ROR1: variants seen among roughly 807,000 people sequenced by gnomAD.
ROR1 encodes ROR family WNT receptor 1, also known as inactive tyrosine-protein kinase transmembrane receptor ROR1.
A neutral mutation model predicts 78.8 loss-of-function variants in ROR1; 19 were observed. That is an observed-to-expected ratio of 0.24 (90% CI 0.17 to 0.35). ROR1 has a LOEUF of 0.35. ROR1 is among the 10% of genes least tolerant of loss of function. The pLI, the probability that ROR1 is intolerant of heterozygous loss-of-function variation, is 1.00. For missense variants in ROR1, 917 were observed against 1,177.8 expected (o/e 0.78, Z 3.24); for synonymous variants, 386 against 433.6 (o/e 0.89, Z 1.36).
chr1:64,079,026 C>T (rs961876536), intron 4 of ROR1, among the ~76,000 whole-genome samples: 2 of 152,024 alleles, frequency 1.3e-5, no homozygotes, highest in African/African-American at 4.8e-5. Context: ...TGCTGAGAAT[C>T]GTTGATTAGA....
chr1:63,929,613 AG>A (rs1645734804), intron 1 of ROR1, among the ~76,000 whole-genome samples: 1 of 152,228 alleles, frequency 6.6e-6, no homozygotes, highest in Admixed American at 6.5e-5. Flanking sequence ...TTGGGGATGC[AG>A]TGTATGCTTA....
intron 1 of ROR1, among the ~76,000 whole-genome samples, chr1:63,827,822 A>G (rs1644965014): frequency 1.3e-5 from 2 of 152,142 alleles, no homozygotes; most frequent in African/African-American, 4.8e-5. Context: ...TTTCCAGCCA[A>G]GTTCCAGGTT....
At chr1:63,993,981 G>A (rs542783970) in intron 1 of ROR1, among the ~76,000 whole-genome samples, 20 of 152,194 alleles carry the variant, frequency 1.3e-4, no homozygotes, top group African/African-American at 4.3e-4. Flanking sequence ...TTGATATAAG[G>A]GTTCCTGATT....
intron 1 of ROR1, among the ~76,000 whole-genome samples, chr1:63,977,399 G>T (rs746864317): frequency 6.6e-6 from 1 of 152,084 alleles, no homozygotes; most frequent in African/African-American, 2.4e-5. Flanking sequence ...TCATGTTGGC[G>T]CTCCAAAAGT....
intron 1 of ROR1, among the ~76,000 whole-genome samples, chr1:63,950,068 G>C (rs1341338103): frequency 1.3e-5 from 2 of 152,072 alleles, no homozygotes; most frequent in Non-Finnish European, 2.9e-5. Flanking sequence ...TTAAACACAG[G>C]GAATGTCCTG....
intron 1 of ROR1, among the ~76,000 whole-genome samples, chr1:63,967,348 C>T (rs1260301087): frequency 6.6e-6 from 1 of 152,124 alleles, no homozygotes; most frequent in Non-Finnish European, 1.5e-5. Flanking sequence ...AAGATACTAT[C>T]CTATAACATA....
At chr1:63,843,912 T>G (rs1359673886) in intron 1 of ROR1, among the ~76,000 whole-genome samples, 3 of 152,156 alleles carry the variant, frequency 2.0e-5, no homozygotes, top group African/African-American at 7.2e-5. Context: ...TCCTGAGACA[T>G]AAATCTGACT....
chr1:64,061,662 G>A (rs1244305947), intron 4 of ROR1, among the ~76,000 whole-genome samples: 2 of 152,190 alleles, frequency 1.3e-5, no homozygotes, highest in Admixed American at 6.5e-5. Context: ...TAGAGAAGAG[G>A]TGCCTGGCCA....
chr1:63,851,382 C>A (rs769622124), intron 1 of ROR1, among the ~76,000 whole-genome samples: 2 of 152,148 alleles, frequency 1.3e-5, no homozygotes, highest in Non-Finnish European at 2.9e-5. Flanking sequence ...TTCTAAGTGG[C>A]GTTGACCCTT....
At chr1:63,875,501 G>A (rs1645279537) in intron 1 of ROR1, among the ~76,000 whole-genome samples, 1 of 152,130 alleles carries the variant, frequency 6.6e-6, no homozygotes, top group African/African-American at 2.4e-5. Flanking sequence ...CCCTAATTAA[G>A]AACCTTGAGG....
chr1:64,001,338 G>T (rs888445985), intron 1 of ROR1, among the ~76,000 whole-genome samples: 1 of 152,224 alleles, frequency 6.6e-6, no homozygotes, highest in East Asian at 1.9e-4. Flanking sequence ...GGTCAGGAAT[G>T]GTTGGGAGGA....
intron 1 of ROR1, among the ~76,000 whole-genome samples, chr1:63,869,118 G>A (rs1645235332): frequency 6.6e-6 from 1 of 152,152 alleles, no homozygotes; most frequent in Non-Finnish European, 1.5e-5. Flanking sequence ...TTCCTTGTTA[G>A]GATCAAATGT....
At chr1:64,082,027 C>G (rs1194406279) in intron 4 of ROR1, among the ~76,000 whole-genome samples, 1 of 152,066 alleles carries the variant, frequency 6.6e-6, no homozygotes, top group Non-Finnish European at 1.5e-5. Flanking sequence ...TTGAGAAACA[C>G]TGATTTACAG....
chr1:63,872,618 C>G (rs1379606119), intron 1 of ROR1, among the ~76,000 whole-genome samples: 5 of 152,162 alleles, frequency 3.3e-5, no homozygotes, highest in Non-Finnish European at 7.3e-5. Context: ...GGCCACCCAG[C>G]CTTTCTTGGC....
chr1:63,947,998 C>A (rs999274988), intron 1 of ROR1, among the ~76,000 whole-genome samples: 19 of 152,094 alleles, frequency 1.2e-4, no homozygotes, highest in African/African-American at 4.1e-4. Context: ...CTCATTTTTA[C>A]CCTGTCAGTA....
At chr1:63,899,356 G>A (rs1160169221) in intron 1 of ROR1, among the ~76,000 whole-genome samples, 1 of 152,106 alleles carries the variant, frequency 6.6e-6, no homozygotes, top group African/African-American at 2.4e-5. Context: ...TTGTGTCCTT[G>A]CCATATACAC....
At chr1:64,054,450 T>G (rs568276351) in intron 4 of ROR1, among the ~76,000 whole-genome samples, 1 of 152,196 alleles carries the variant, frequency 6.6e-6, no homozygotes, top group African/African-American at 2.4e-5. Flanking sequence ...TTGTAATTCT[T>G]ACACTGTAAA....
Position 63,774,900 on chromosome 1 carries a change from C to T in ROR1, c.91+392C>T, listed in dbSNP as rs1001309947. On this transcript the variant is annotated intron_variant, in intron 1 of 8. Transcript: ENST00000371079. The surrounding 1 kb of genome is among the most constrained non-coding windows in gnomAD (Gnocchi z 5.7). ...GTGTTCAGGCAAGTCTATCCTGCCC[C>T]CAAGTTGCGAGCCGGCCCGGAAGGC... Among the ~76,000 whole-genome samples the T allele has an allele frequency of 2.0e-5, 3 of 152,128 alleles. No homozygotes were observed. Among genetic ancestry groups the T allele is most frequent in the Non-Finnish European group, 2.9e-5 (2 of 68,028 alleles).
intron 1 of ROR1, among the ~76,000 whole-genome samples, chr1:63,829,020 T>C (rs564582969): frequency 4.8e-4 from 73 of 152,368 alleles, no homozygotes; most frequent in Admixed American, 4.5e-3. Flanking sequence ...TGTACTGATA[T>C]ATTGACTTAT....
Sources: allele counts gnomAD v4.1 joint callset (sites outside exome capture counted in the v4.1 genomes callset), GRCh38; gene constraint gnomAD v4.1.1; non-coding constraint Gnocchi (gnomAD v3.1); transcripts MANE v1.5; gene names NCBI Gene and HGNC (gene_info 2026-07-23, HGNC 2026-07-21).